LRRC7: variants seen among roughly 807,000 people sequenced by gnomAD.
LRRC7 encodes leucine rich repeat containing 7.
A neutral mutation model predicts 175.7 loss-of-function variants in LRRC7; 23 were observed. The observed-to-expected ratio is 0.13, with a 90% CI of 0.09 to 0.19. The LOEUF (loss-of-function observed/expected upper bound fraction) is 0.19. LRRC7 is among the 10% of genes least tolerant of loss of function. The pLI, the probability that LRRC7 is intolerant of heterozygous loss-of-function variation, is 1.00. For missense variants in LRRC7, 1,354 were observed against 1,904.7 expected (o/e 0.71, Z 5.38); for synonymous variants, 685 against 680.9 (o/e 1.01, Z -0.09).
At position 69,740,246 on chromosome 1, in the gene LRRC7, T is replaced by C. The variant is rs184262771; in HGVS notation, c.101-19945T>C. 2.3e-4 allele frequency among the ~76,000 whole-genome samples: 35 copies of C among 152,208 alleles called. No homozygotes were observed. In the East Asian group the frequency reaches 2.5e-3, roughly 11 times the overall value. On this transcript the variant is annotated intron_variant, in intron 2 of 26. Transcript: ENST00000651989. Reference sequence around the variant, plus strand: ...GGATGAAAGTCCAAGAACAACGTGCTAGCAGAGTTAATTTATTCTGAAGCC... The same window carrying C: ...GGATGAAAGTCCAAGAACAACGTGCCAGCAGAGTTAATTTATTCTGAAGCC...
At chr1:69,665,663 T>C (rs1292555258) in intron 1 of LRRC7, among the ~76,000 whole-genome samples, 1 of 152,098 alleles carries the variant, frequency 6.6e-6, no homozygotes, top group Non-Finnish European at 1.5e-5. Flanking sequence ...TGATTTTGTA[T>C]GTTGATTTTG....
intron 10 of LRRC7, among the ~76,000 whole-genome samples, chr1:69,989,939 C>T (rs1654278020): frequency 6.6e-6 from 1 of 152,076 alleles, no homozygotes; most frequent in African/African-American, 2.4e-5. Context: ...TCATTGTCAT[C>T]AGTGACAATA....
At chr1:69,763,825 T>G (rs1671305485) in intron 3 of LRRC7, among the ~76,000 whole-genome samples, 1 of 152,186 alleles carries the variant, frequency 6.6e-6, no homozygotes, top group African/African-American at 2.4e-5. Flanking sequence ...TTTCTTTGAG[T>G]TGTTATTCAG....
intron 18 of LRRC7, among the ~76,000 whole-genome samples, chr1:70,035,810 T>G (rs1002031114): frequency 2.0e-5 from 3 of 152,056 alleles, no homozygotes; most frequent in Non-Finnish European, 2.9e-5. Context: ...TCTCTCCAAC[T>G]AGATTATAAA....
chr1:69,665,313 T>C (rs1052251290), intron 1 of LRRC7, among the ~76,000 whole-genome samples: 3 of 152,170 alleles, frequency 2.0e-5, no homozygotes, highest in African/African-American at 7.2e-5. Flanking sequence ...ATATAAATTT[T>C]AAAATTGTTT....
rs143100131 is a variant in LRRC7, at chr1:69,847,043, A to G, written c.647+8760A>G. Among the ~76,000 whole-genome samples the G allele has an allele frequency of 8.4e-3, 1,278 of 152,218 alleles. 15 individuals are homozygous for G. The highest frequency in any genetic ancestry group is 0.028 in the African/African-American group (1,175 of 41,562). On this transcript the variant is annotated intron_variant, in intron 7 of 26. Coordinates refer to ENST00000651989, the MANE Select transcript of LRRC7 (RefSeq NM_001370785.2). ...AAAAAATATAGAAAATGTTTAACTA[A>G]ATGATCTAGTTATTAATTCTTAATG...
intron 8 of LRRC7, among the ~76,000 whole-genome samples, chr1:69,957,067 T>TCATTTAACATATATTTATTAAA (rs1183817892): frequency 6.6e-6 from 1 of 151,760 alleles, no homozygotes; most frequent in Non-Finnish European, 1.5e-5. Context: ...TTCACTTTTT[T>TCATTTAACATATATTTATTAAA]CATTTAACAT....
At chr1:69,839,737 G>C (rs1681516873) in intron 7 of LRRC7, among the ~76,000 whole-genome samples, 1 of 152,040 alleles carries the variant, frequency 6.6e-6, no homozygotes, top group African/African-American at 2.4e-5. Flanking sequence ...TCAAATAATG[G>C]CTTTCATTTG....
intron 26 of LRRC7, among the ~76,000 whole-genome samples, chr1:70,113,248 G>A (rs1665639537): frequency 6.6e-6 from 1 of 152,174 alleles, no homozygotes; most frequent in Non-Finnish European, 1.5e-5. Context: ...TGATCAGCTT[G>A]CTGAGAGAAT....
At chr1:69,923,760 C>G (rs554193834) in intron 7 of LRRC7, among the ~76,000 whole-genome samples, 51 of 152,176 alleles carry the variant, frequency 3.4e-4, no homozygotes, top group African/African-American at 1.2e-3. Flanking sequence ...GTTGCCTGTT[C>G]ACTCTGATGG....
intron 2 of LRRC7, among the ~76,000 whole-genome samples, chr1:69,709,607 A>G (rs960979227): frequency 6.6e-6 from 1 of 152,206 alleles, no homozygotes; most frequent in Non-Finnish European, 1.5e-5. Context: ...CTCGAAAGTC[A>G]GGTTTTACAT....
At chr1:69,954,665 T>A (rs1161462277) in intron 8 of LRRC7, among the ~76,000 whole-genome samples, 1 of 152,106 alleles carries the variant, frequency 6.6e-6, no homozygotes, top group Non-Finnish European at 1.5e-5. Context: ...GTAATGTGAA[T>A]TCAAATATAA....
At position 70,004,021 on chromosome 1, in the gene LRRC7, A is replaced by G. The variant is rs114557403; in HGVS notation, c.1005-7776A>G. Among the ~76,000 whole-genome samples, 474 of 152,262 alleles carry G rather than the reference A, an allele frequency of 3.1e-3. 3 individuals carry two copies. The highest frequency in any genetic ancestry group is 0.01 in the African/African-American group (427 of 41,554). On this transcript the variant is annotated intron_variant, in intron 11 of 26. Transcript: ENST00000651989. ...TTCAAGCAGTCTAATCAACTTTCTA[A>G]ATAGTGAAAAGGAAAGCAACGGTTT...
chr1:69,923,288 G>C (rs1646951681), intron 7 of LRRC7, among the ~76,000 whole-genome samples: 1 of 152,294 alleles, frequency 6.6e-6, no homozygotes, highest in East Asian at 1.9e-4. Context: ...ACATGTGCAT[G>C]TGTCTTTATA....
At chr1:70,042,257 A>G (rs1488892273) in intron 21 of LRRC7, among the ~76,000 whole-genome samples, 1 of 152,198 alleles carries the variant, frequency 6.6e-6, no homozygotes. Flanking sequence ...AGGGTACTGA[A>G]GCACAGACTT....
At chr1:69,945,741 T>A (rs1649237596) in intron 8 of LRRC7, among the ~76,000 whole-genome samples, 1 of 152,132 alleles carries the variant, frequency 6.6e-6, no homozygotes, top group Non-Finnish European at 1.5e-5. Context: ...TATCCCTAAG[T>A]ATTTTTTATG....
Position 69,882,830 on chromosome 1 carries a change from C to T in LRRC7, c.647+44547C>T, listed in dbSNP as rs530014633. ...TTCCTGTGTCCATGTGATCTCATTG[C>T]TCAATTCCCACCTATGAGTGAGAAT... On this transcript the variant is annotated intron_variant, in intron 7 of 26. Coordinates refer to ENST00000651989, the MANE Select transcript of LRRC7 (RefSeq NM_001370785.2). 3.6e-3 allele frequency among the ~76,000 whole-genome samples: 524 copies of T among 143,948 alleles called. 3 individuals are homozygous for T. Among genetic ancestry groups the T allele is most frequent in the African/African-American group, 0.012 (477 of 38,910 alleles). The allele number at this position is 143,948 out of a possible 152,430, so 94.4% of individuals were successfully genotyped here.
chr1:69,822,230 A>T (rs1035022371), intron 4 of LRRC7, among the ~76,000 whole-genome samples: 7 of 152,140 alleles, frequency 4.6e-5, no homozygotes, highest in African/African-American at 1.7e-4. Context: ...CTGAAATGCT[A>T]AAGTTTGTGT....
intron 2 of LRRC7, 21 bp downstream of exon 2, chr1:69,678,499 T>A (rs1201124750): frequency 5.1e-6 from 8 of 1,554,200 alleles, no homozygotes; most frequent in Non-Finnish European, 7.0e-6. Context: ...TTAATAGGAT[T>A]ACCTGTGTTC....
Sources: gnomAD v4.1 joint callset for allele counts (sites outside exome capture counted in the v4.1 genomes callset) on GRCh38, gnomAD v4.1.1 for gene constraint, MANE v1.5 for transcripts, NCBI Gene and HGNC (gene_info 2026-07-23, HGNC 2026-07-21) for gene names.